Variants in SLC16A12 observed in about 807,000 individuals in gnomAD.
SLC16A12 encodes solute carrier family 16 member 12, also known as monocarboxylate transporter 12.
In SLC16A12, 17 loss-of-function variants were observed where a neutral mutation model predicts 42.4. The observed-to-expected ratio is 0.40, with a 90% CI of 0.27 to 0.60. The LOEUF is 0.60. Ranked by LOEUF, SLC16A12 falls within the 20% of genes least tolerant of loss-of-function variation. The pLI, the probability that SLC16A12 is intolerant of heterozygous loss-of-function variation, is 0.42. For synonymous variants in SLC16A12, 224 were observed against 229.4 expected, an observed-to-expected ratio of 0.98 and a Z score of 0.21; for missense variants, 544 against 623.0, an observed-to-expected ratio of 0.87 and a Z score of 1.35.
chr10:89,554,079 A>AAGGAAGGAAGGAAGGAAG (rs1843789678), intron 2 of SLC16A12, among the ~76,000 whole-genome samples: 26 of 66,604 alleles, frequency 3.9e-4, no homozygotes, highest in Non-Finnish European at 6.3e-4. Context: ...AAAGAAAGAA[A>AAGGAAGGAAGGAAGGAAG]GAAAGAAAGA....
At position 89,500,878 on chromosome 10, in the gene SLC16A12, T is replaced by C. The variant is rs532520768; in HGVS notation, c.-47+33623A>G. ...TCACTGTTTGCTGATGATATGATTG[T>C]TTACCTCGAAAACCCTAAAGACTCC... On this transcript the variant is annotated intron_variant, in intron 2 of 7. Transcript: ENST00000371790. Among the ~76,000 whole-genome samples the C allele has an allele frequency of 1.4e-4, 21 of 152,264 alleles. No individual in the cohort carries two copies. The South Asian group carries it at 4.4e-3, about 32-fold the overall frequency.
At chr10:89,522,684 G>A (rs542686535) in intron 2 of SLC16A12, among the ~76,000 whole-genome samples, 1 of 152,334 alleles carries the variant, frequency 6.6e-6, no homozygotes, top group African/African-American at 2.4e-5. Flanking sequence ...AGTACAGCAT[G>A]ATGGTACACA....
At chr10:89,466,229 T>C (rs1372858614) in intron 2 of SLC16A12, among the ~76,000 whole-genome samples, 2 of 152,228 alleles carry the variant, frequency 1.3e-5, no homozygotes, top group African/African-American at 2.4e-5. Context: ...TAGATATTAT[T>C]TGCCATGTGA....
chr10:89,508,482 G>A (rs1012516456), intron 2 of SLC16A12, among the ~76,000 whole-genome samples: 2 of 152,172 alleles, frequency 1.3e-5, no homozygotes, highest in South Asian at 2.1e-4. Flanking sequence ...TGACTACTGG[G>A]TAAATAACGA....
intron 6 of SLC16A12, 56 bp from the exon 7 acceptor site, chr10:89,436,375 T>C: frequency 1.2e-6 from 2 of 1,605,642 alleles, no homozygotes; most frequent in Non-Finnish European, 1.7e-6. Context: ...GTAAAAGAGC[T>C]TTAGAGCCAC....
chr10:89,430,966 C>T lies in SLC16A12; in HGVS notation c.*2098G>A. On this transcript the variant is annotated 3_prime_UTR_variant, in exon 8 of 8. Transcript: ENST00000371790. ...AAAGTGCTATTCCAAACAGATATAA[C>T]TTCATCTTAACTTTGACATTTTACA... The T allele has an allele frequency of 3.3e-6, 1 of 299,824 alleles. No homozygotes were observed. Among genetic ancestry groups the T allele is most frequent in the Non-Finnish European group, 6.4e-6 (1 of 156,658 alleles). The allele number at this position is 299,824 out of a possible 1,614,324, so 18.6% of individuals were successfully genotyped here.
intron 6 of SLC16A12, among the ~76,000 whole-genome samples, chr10:89,437,622 T>C (rs1352286647): frequency 2.0e-5 from 3 of 151,258 alleles, no homozygotes; most frequent in African/African-American, 7.4e-5. Flanking sequence ...ATCTTTGCTC[T>C]TCCACTTCTT....
chr10:89,556,618 C>A (rs1160542502), exon 1 of SLC16A12: 4 of 152,220 alleles, frequency 2.6e-5, no homozygotes, highest in Admixed American at 6.5e-5. Context: ...CTTGTCTGAT[C>A]ATAGGTCAGA....
intron 1 of SLC16A12, among the ~76,000 whole-genome samples, chr10:89,556,259 A>G (rs1843815316): frequency 6.6e-6 from 1 of 151,206 alleles, no homozygotes; most frequent in South Asian, 2.2e-4. Flanking sequence ...TCACACAGCT[A>G]GTAGGTGAGG....
upstream of SLC16A12, among the ~76,000 whole-genome samples, chr10:89,537,997 A>G (rs527500528): frequency 6.6e-6 from 1 of 152,390 alleles, no homozygotes; most frequent in South Asian, 2.1e-4. Context: ...TGCAATGCGT[A>G]TAGGCAGTGC....
In SLC16A12 at chr10:89,464,691, C is replaced by T. The variant is rs371319050; in HGVS notation, c.-46-2067G>A. ...ACTTTCTCAAGAAAATGGCTCACAA[C>T]AGAAATTTATAAGTGTGCATCTTTG... On this transcript the variant is annotated intron_variant, in intron 2 of 7. Transcript: ENST00000371790. Among the ~76,000 whole-genome samples the T allele has an allele frequency of 1.2e-3, 182 of 152,226 alleles. 1 individual carries two copies. The highest frequency in any genetic ancestry group is 3.9e-3 in the African/African-American group (163 of 41,544).
At chr10:89,516,815 C>T (rs1420456825) in intron 2 of SLC16A12, among the ~76,000 whole-genome samples, 4 of 152,250 alleles carry the variant, frequency 2.6e-5, no homozygotes, top group Admixed American at 1.3e-4. Flanking sequence ...ACTGATATTT[C>T]CAGTAAGGGC....
chr10:89,543,595 A>G (rs1048013482), intron 2 of SLC16A12, among the ~76,000 whole-genome samples: 3 of 152,190 alleles, frequency 2.0e-5, no homozygotes, highest in African/African-American at 4.8e-5. Context: ...TTGGCAGGCC[A>G]AGACAGGAGG....
chr10:89,510,351 T>C (rs1843143816), intron 2 of SLC16A12, among the ~76,000 whole-genome samples: 1 of 152,148 alleles, frequency 6.6e-6, no homozygotes, highest in Non-Finnish European at 1.5e-5. Context: ...AAGGCTACAG[T>C]AACCAAAACA....
chr10:89,542,017 G>A (rs539973457), intron 2 of SLC16A12, among the ~76,000 whole-genome samples: 8 of 152,218 alleles, frequency 5.3e-5, no homozygotes, highest in East Asian at 1.9e-4. Flanking sequence ...TCCCAGGGGC[G>A]ATAGTGCCTT....
chr10:89,510,206 A>T (rs972189677), intron 2 of SLC16A12, among the ~76,000 whole-genome samples: 1 of 152,246 alleles, frequency 6.6e-6, no homozygotes, highest in Non-Finnish European at 1.5e-5. Context: ...GCTACCACTG[A>T]CTTTCTTCAC....
intron 2 of SLC16A12, among the ~76,000 whole-genome samples, chr10:89,500,378 G>A (rs932484579): frequency 6.6e-6 from 1 of 152,094 alleles, no homozygotes; most frequent in African/African-American, 2.4e-5. Flanking sequence ...GAATATAGAT[G>A]CTAAAAGCCT....
At chr10:89,548,060 A>G (rs974777255) in intron 2 of SLC16A12, among the ~76,000 whole-genome samples, 1 of 151,928 alleles carries the variant, frequency 6.6e-6, no homozygotes, top group Non-Finnish European at 1.5e-5. Flanking sequence ...ACCTTCTTGG[A>G]GAATTTCAAA....
intron 2 of SLC16A12, among the ~76,000 whole-genome samples, chr10:89,554,658 G>A (rs373456564): frequency 2.0e-4 from 30 of 152,298 alleles, no homozygotes; most frequent in African/African-American, 6.7e-4. Flanking sequence ...ATATGTATGT[G>A]TGTGTTGTGG....
Sources: allele counts gnomAD v4.1 joint callset (sites outside exome capture counted in the v4.1 genomes callset), GRCh38; gene constraint gnomAD v4.1.1; transcripts MANE v1.5; gene names NCBI Gene and HGNC (gene_info 2026-07-23, HGNC 2026-07-21).